The following SERPINB6 variants were observed in gnomAD, a reference collection of about 807,000 sequenced individuals.
SERPINB6 encodes serpin family B member 6, also known as serpin B6.
A neutral mutation model predicts 26.1 loss-of-function variants in SERPINB6; 16 were observed. That is an observed-to-expected ratio of 0.61 (90% confidence interval 0.42 to 0.93). SERPINB6 has a LOEUF of 0.93. Ranked by LOEUF, SERPINB6 falls within the 40% of genes least tolerant of loss-of-function variation. The pLI, the probability that SERPINB6 is intolerant of heterozygous loss-of-function variation, is 0.00. For missense variants in SERPINB6, 420 were observed against 478.0 expected (o/e 0.88, Z 1.13); for synonymous variants, 174 against 176.6 (o/e 0.99, Z 0.11).
At chr6:2,964,427 C>T (rs1771428049) in intron 1 of SERPINB6, among the ~76,000 whole-genome samples, 1 of 151,964 alleles carries the variant, frequency 6.6e-6, no homozygotes, top group African/African-American at 2.4e-5. Flanking sequence ...AGATATAAAA[C>T]TATACATACA....
At chr6:2,962,100 C>T (rs373895863) in intron 1 of SERPINB6, 117 of 985,248 alleles carry the variant, frequency 1.2e-4, no homozygotes, top group Middle Eastern at 1.0e-3. Flanking sequence ...GGTAATATCC[C>T]GGAGAATCTG....
chr6:2,962,129 A>G (rs986112193), intron 1 of SERPINB6: 34 of 985,350 alleles, frequency 3.5e-5, no homozygotes, highest in Non-Finnish European at 3.9e-5. Context: ...GCTGATCTTT[A>G]TATCAGTAAC....
At chr6:2,969,630 T>G in intron 1 of SERPINB6, 1 of 985,436 alleles carries the variant, frequency 1.0e-6, no homozygotes, top group South Asian at 4.7e-5. Flanking sequence ...AATTTTTTTT[T>G]AGGTGTCACT....
intron 1 of SERPINB6, chr6:2,969,230 G>C: frequency 2.0e-6 from 2 of 985,796 alleles, no homozygotes; most frequent in Non-Finnish European, 2.4e-6. Flanking sequence ...TTCAGCAAAC[G>C]TGTGAGTAAC....
At chr6:2,964,728 A>C (rs973782237) in intron 1 of SERPINB6, among the ~76,000 whole-genome samples, 7 of 152,332 alleles carry the variant, frequency 4.6e-5, no homozygotes, top group African/African-American at 1.7e-4. Context: ...CCCAGAAGCA[A>C]TCACTTCCAA....
intron 1 of SERPINB6, chr6:2,968,889 C>T (rs1198727987): frequency 8.1e-6 from 10 of 1,229,716 alleles, no homozygotes; most frequent in Non-Finnish European, 1.0e-5. Flanking sequence ...TGGGAGAACT[C>T]TTCGGTGTGG....
intron 1 of SERPINB6, chr6:2,970,853 C>T (rs1267739087): frequency 1.6e-6 from 2 of 1,231,130 alleles, no homozygotes; most frequent in East Asian, 6.3e-5. Context: ...AAACACAGAG[C>T]GGTAAGGAGA....
intron 1 of SERPINB6, among the ~76,000 whole-genome samples, chr6:2,965,820 C>G (rs926351727): frequency 6.6e-6 from 1 of 152,132 alleles, no homozygotes; most frequent in African/African-American, 2.4e-5. Flanking sequence ...GGGTTAAATC[C>G]TAAGGGATCA....
At chr6:2,968,817 C>T (rs1301617795) in intron 1 of SERPINB6, 2 of 1,231,472 alleles carry the variant, frequency 1.6e-6, no homozygotes, top group Non-Finnish European at 2.0e-6. Flanking sequence ...GACATGTCAG[C>T]TGGGAGCTTC....
In SERPINB6 at chr6:2,954,642, A is replaced by T. The variant is rs374591548; in HGVS notation, c.380T>A (p.Val127Glu). 1.5e-5 allele frequency: 24 copies of T among 1,614,096 alleles called. No individual in the cohort carries two copies. Among genetic ancestry groups the T allele is most frequent in the Non-Finnish European group, 1.9e-5 (23 of 1,180,018 alleles). Residue 127 changes from valine to glutamate, a missense_variant, in exon 4 of 7, where the codon GTA (valine) becomes GAA (glutamate). By Grantham distance (121) the Val-to-Glu change is moderately radical (BLOSUM62 -2). Coordinates refer to ENST00000380539, the MANE Select transcript of SERPINB6 (RefSeq NM_004568.6). ...GTTTATGTGTTTTCTGGACTTCTCT[A>T]CGGCGCTGATAAAGTCAAGCTCCTC... Reference protein sequence around the residue: ...EMEELDFISAVEKSRKHINTW... With the variant: ...EMEELDFISAEEKSRKHINTW...
rs754952384 is a variant in SERPINB6 at position 2,970,057 on chromosome 6, CAAAAAAAA to C, written c.-11+1468_-11+1475del. The C allele has an allele frequency of 8.6e-6, 7 of 809,966 alleles. No homozygotes were observed. The African/African-American group carries it at 1.6e-4, about 18-fold the overall frequency. The allele number at this position is 809,966 out of a possible 1,614,324, so 50.2% of individuals were successfully genotyped here. A position where few individuals can be genotyped will look rare whatever the true frequency, so the allele number is the denominator to read the frequency against. ...ATCGCACCACTGCACTCCAGCCTGG[CAAAAAAAA>C]AAAAAAAAAAAATTTTCTTTCTTTG... On this transcript the variant is annotated intron_variant, in intron 1 of 6. Transcript: ENST00000380539.
chr6:2,953,742 G>A (rs986623499), intron 4 of SERPINB6, among the ~76,000 whole-genome samples: 2 of 152,164 alleles, frequency 1.3e-5, no homozygotes, highest in African/African-American at 4.8e-5. Flanking sequence ...GACTGAAGCA[G>A]GAGGACCGCT....
rs754763935 is a variant in SERPINB6 at position 2,948,864 on chromosome 6, C to T, written c.729+50G>A. ...GTAGGGACAGCAGCCACAGCAGACA[C>T]CCCCGAGTGGCTCCTTGCTAGCACG... On this transcript the variant is annotated intron_variant, in intron 6 of 6. Transcript: ENST00000380539. The surrounding 1 kb of genome is among the most constrained non-coding windows in gnomAD (Gnocchi z 5.0). 3 of 1,611,248 alleles carry T rather than the reference C, an allele frequency of 1.9e-6. No homozygotes were observed. Among genetic ancestry groups the T allele is most frequent in the African/African-American group, 2.7e-5 (2 of 75,016 alleles).
chr6:2,971,060 C>T (rs1046867495), intron 1 of SERPINB6: 31 of 1,170,550 alleles, frequency 2.6e-5, no homozygotes, highest in East Asian at 3.7e-5. Flanking sequence ...AGCACGCGTC[C>T]TCCGGGTCGC....
chr6:2,969,624 T>G, intron 1 of SERPINB6: 1 of 985,420 alleles, frequency 1.0e-6, no homozygotes, highest in Non-Finnish European at 1.2e-6. Context: ...AGTCTTAATT[T>G]TTTTTTAGGT....
At chr6:2,955,947 C>T in intron 2 of SERPINB6, 3 of 358,056 alleles carry the variant, frequency 8.4e-6, no homozygotes, top group South Asian at 5.4e-5. Context: ...CCTGGTGGTG[C>T]GTACCTGTAA....
chr6:2,963,330 G>A (rs929262052), intron 1 of SERPINB6: 2 of 152,190 alleles, frequency 1.3e-5, no homozygotes, highest in African/African-American at 4.8e-5. Flanking sequence ...CTTACCCTCT[G>A]AGATAGCTGC....
At chr6:2,954,525 G>T in intron 4 of SERPINB6, 67 bp downstream of exon 4, 1 of 1,222,236 alleles carries the variant, frequency 8.2e-7, no homozygotes, top group Non-Finnish European at 1.2e-6. Context: ...TGACAGTCTT[G>T]TGAAGGAACT....
At position 2,948,225 on chromosome 6, in the gene SERPINB6, T is replaced by G. The variant is rs1769322645; in HGVS notation, c.*73A>C. On this transcript the variant is annotated 3_prime_UTR_variant, in exon 7 of 7. Coordinates refer to ENST00000380539, the MANE Select transcript of SERPINB6 (RefSeq NM_004568.6). The surrounding 1 kb of genome is among the most constrained non-coding windows in gnomAD (Gnocchi z 5.0). Reference sequence around the variant, plus strand: ...GCCACCACTGCACGGATAAGGCCACTTGGGTTGCAGGCACACTGTGGAGTG... The same window carrying G: ...GCCACCACTGCACGGATAAGGCCACGTGGGTTGCAGGCACACTGTGGAGTG... 6.3e-7 allele frequency: 1 copy of G among 1,582,968 alleles called. No individual in the cohort carries two copies. The highest frequency in any genetic ancestry group is 8.7e-7 in the Non-Finnish European group (1 of 1,153,698).
Sources: gnomAD v4.1 joint callset for allele counts (sites outside exome capture counted in the v4.1 genomes callset) on GRCh38, gnomAD v4.1.1 for gene constraint, Gnocchi (gnomAD v3.1) non-coding constraint, MANE v1.5 for transcripts, NCBI Gene and HGNC (gene_info 2026-07-23, HGNC 2026-07-21) for gene names.